PTPN6: variants seen among roughly 807,000 people sequenced by gnomAD.
The protein encoded by PTPN6 is protein tyrosine phosphatase non-receptor type 6, also known as tyrosine-protein phosphatase non-receptor type 6.
Under a neutral mutation model 81.5 loss-of-function variants are expected in PTPN6, and 18 were observed. The ratio of observed to expected loss-of-function variants is 0.22; its 90% CI spans 0.15 to 0.33. The LOEUF (loss-of-function observed/expected upper bound fraction) is 0.33. Among genes scored for constraint, PTPN6 ranks in the 10% least tolerant of loss-of-function variants. PTPN6 has a pLI of 1.00. For synonymous variants in PTPN6, 301 were observed against 310.9 expected (o/e 0.97, Z 0.33); for missense variants, 500 against 794.2 (o/e 0.63, Z 4.45).
chr12:6,946,967 T>C (rs1945832911), upstream of PTPN6, among the ~76,000 whole-genome samples: 1 of 152,222 alleles, frequency 6.6e-6, no homozygotes, highest in Admixed American at 6.5e-5. Context: ...AGTGTGTATC[T>C]GTTCTCTCCA....
In PTPN6 at chr12:6,958,033, G is replaced by C; in HGVS notation, c.1321G>C (p.Glu441Gln). The change falls in exon 11 of 16, where the codon GAA becomes CAA. Residue 441 changes from glutamate to glutamine, a missense_variant. Glu to Gln is a conservative substitution (Grantham distance 29, BLOSUM62 2). Coordinates refer to ENST00000318974, the MANE Select transcript of PTPN6 (RefSeq NM_002831.6). The stretch of plus-strand genomic sequence containing the variant: ...CCTGGACCAGATCAACCAGCGGCAG[G>C]AAAGTCTGCCTCACGCAGGGCCCAT... ...SFLDQINQRQ[E>Q]SLPHAGPIIV... is the part of the protein sequence containing the mutation. 6.2e-7 allele frequency: 1 copy of C among 1,613,248 alleles called. No individual in the cohort carries two copies. Among genetic ancestry groups the C allele is most frequent in the Non-Finnish European group, 8.5e-7 (1 of 1,180,044 alleles).
upstream of PTPN6, among the ~76,000 whole-genome samples, chr12:6,947,395 T>G (rs1414076459): frequency 1.3e-5 from 2 of 151,966 alleles, no homozygotes; most frequent in Non-Finnish European, 2.9e-5. Context: ...CTTGGCCGGG[T>G]GTAGTGGTTC....
rs1381639511 is a variant in PTPN6 at position 6,961,249 on chromosome 12, TAGCCCAGCCA to T, written c.*150_*159del. ...CCCCACCTCTCCCTGACCCTGTATA[TAGCCCAGCCA>T]GGCCCCAGGCAGGGCCAACCCTTCT... is the stretch of plus-strand genomic sequence containing the variant. On this transcript the variant is annotated 3_prime_UTR_variant, in exon 16 of 16. Transcript: ENST00000318974. The T allele has an allele frequency of 2.6e-6, 1 of 381,942 alleles. No homozygotes were observed. The highest frequency in any genetic ancestry group is 5.0e-6 in the Non-Finnish European group (1 of 198,666). The allele number at this position is 381,942 out of a possible 1,614,324, so 23.7% of individuals were successfully genotyped here. A position where few individuals can be genotyped will look rare whatever the true frequency, so the allele number is the denominator to read the frequency against.
chr12:6,948,076 A>G (rs782521877), upstream of PTPN6, among the ~76,000 whole-genome samples: 1 of 151,704 alleles, frequency 6.6e-6, no homozygotes, highest in Non-Finnish European at 1.5e-5. Flanking sequence ...GCTTGAGCTC[A>G]GGAGTTTAAA....
chr12:6,956,312 A>G lies in PTPN6; in HGVS notation c.924+91A>G, dbSNP rs1194229726. On this transcript the variant is annotated intron_variant, in intron 8 of 15. Coordinates refer to ENST00000318974, the MANE Select transcript of PTPN6 (RefSeq NM_002831.6). This position sits in a 1 kb window ranked among gnomAD's most constrained non-coding sequence, Gnocchi z 4.1. ...CCCTAGATCCAGAGACAGCTGGGCA[A>G]AGCCGAAGCTGGCTTCTTGCATGGG... The G allele has an allele frequency of 1.9e-5, 30 of 1,609,728 alleles. No individual in the cohort carries two copies. The highest frequency in any genetic ancestry group is 2.4e-5 in the Non-Finnish European group (28 of 1,176,160).
Position 6,952,492 on chromosome 12 carries a change from G to T in PTPN6, c.326+315G>T. On this transcript the variant is annotated intron_variant, in intron 3 of 15. Transcript: ENST00000318974. This position sits in a 1 kb window ranked among gnomAD's most constrained non-coding sequence, Gnocchi z 8.1. ...GGCCACTGCTGGTGGCCAGCATGTCGTGCAGGCCAGCTCTGTTGTTAGAAA... is the reference window on the plus strand; with the variant it reads ...GGCCACTGCTGGTGGCCAGCATGTCTTGCAGGCCAGCTCTGTTGTTAGAAA... The T allele has an allele frequency of 2.1e-6, 1 of 476,630 alleles. No homozygotes were observed. The highest frequency in any genetic ancestry group is 3.9e-6 in the Non-Finnish European group (1 of 258,772). 29.5% of individuals were successfully genotyped at this position (476,630 alleles called of 1,614,324 possible).
At chr12:6,953,817 G>T (rs782168101) in intron 3 of PTPN6, among the ~76,000 whole-genome samples, 32 of 152,138 alleles carry the variant, frequency 2.1e-4, no homozygotes, top group African/African-American at 7.2e-4. Flanking sequence ...GGCTCTGGGG[G>T]TCTCTCGGCT....
rs1946014483 is a variant in PTPN6 at position 6,955,592 on chromosome 12, C to T, written c.748-68C>T. On this transcript the variant is annotated intron_variant, in intron 6 of 15. Transcript: ENST00000318974. This position sits in a 1 kb window ranked among gnomAD's most constrained non-coding sequence, Gnocchi z 7.2. ...TTGCCCACCTCTGCTCCTGACCCACCCCACGTGAGCTCCCCCGATGGATGC... is the reference window on the plus strand; with the variant it reads ...TTGCCCACCTCTGCTCCTGACCCACTCCACGTGAGCTCCCCCGATGGATGC... The T allele has an allele frequency of 1.9e-5, 30 of 1,574,080 alleles. No homozygotes were observed. The highest frequency in any genetic ancestry group is 2.6e-5 in the Non-Finnish European group (30 of 1,144,186).
rs1946095526 is a variant in PTPN6 at position 6,959,786 on chromosome 12, C to T, written c.1362-141C>T. On this transcript the variant is annotated intron_variant, in intron 11 of 15. Coordinates refer to ENST00000318974, the MANE Select transcript of PTPN6 (RefSeq NM_002831.6). The surrounding 1 kb of genome is among the most constrained non-coding windows in gnomAD (Gnocchi z 6.6). ...GGGCAAACCTCCATCATCACTTGCC[C>T]GGTGACCCTGGGCACATTCCCTCCC... The T allele has an allele frequency of 1.1e-5, 10 of 891,956 alleles. No homozygotes were observed. Among genetic ancestry groups the T allele is most frequent in the Admixed American group, 3.6e-5 (2 of 55,246 alleles). The allele number at this position is 891,956 out of a possible 1,614,324, so 55.3% of individuals were successfully genotyped here.
In PTPN6 at chr12:6,960,191, C is replaced by A; in HGVS notation, c.1533C>A (p.Ala511=). The A allele has an allele frequency of 1.9e-6, 3 of 1,613,128 alleles. No individual in the cohort carries two copies. Among genetic ancestry groups the A allele is most frequent in the Admixed American group, 1.7e-5 (1 of 59,996 alleles). The change falls in exon 13 of 16, where the codon GCC becomes GCA. Residue 511 remains alanine, a synonymous_variant. Coordinates refer to ENST00000318974, the MANE Select transcript of PTPN6 (RefSeq NM_002831.6). The surrounding 1 kb of genome is among the most constrained non-coding windows in gnomAD (Gnocchi z 6.1). ...TEAQYKFIYV[A]IAQFIETTKK... ...CGCAGTACAAGTTCATCTACGTGGC[C>A]ATCGCCCAGTTCATTGAAACCACTA...
chr12:6,958,923 C>T (rs929903104), intron 11 of PTPN6, among the ~76,000 whole-genome samples: 3 of 152,218 alleles, frequency 2.0e-5, no homozygotes, highest in Non-Finnish European at 2.9e-5. Flanking sequence ...GCTGGAATTC[C>T]GTCAGCCCTC....
chr12:6,949,462 C>T (rs782188227), upstream of PTPN6, among the ~76,000 whole-genome samples: 2 of 152,330 alleles, frequency 1.3e-5, no homozygotes, highest in East Asian at 1.9e-4. Context: ...GCACCAGGCT[C>T]CGGCGTCTGA....
At chr12:6,958,167 G>A (rs1400209151) in intron 11 of PTPN6, 94 bp downstream of exon 11, 58 of 1,514,976 alleles carry the variant, frequency 3.8e-5, no homozygotes, top group Non-Finnish European at 5.0e-5. Flanking sequence ...ACGTTAGCTC[G>A]CACATTGAGT....
Position 6,954,770 on chromosome 12 carries a change from C to T in PTPN6, c.327-35C>T. The T allele has an allele frequency of 1.9e-6, 3 of 1,604,770 alleles. No individual in the cohort carries two copies. The highest frequency in any genetic ancestry group is 2.6e-6 in the Non-Finnish European group (3 of 1,176,092). On this transcript the variant is annotated intron_variant, in intron 3 of 15. Transcript: ENST00000318974. The surrounding 1 kb of genome is among the most constrained non-coding windows in gnomAD (Gnocchi z 5.4). ...TCTGCTCAGCGCCTTCCCCTGTGGC[C>T]TGGGTCTTACCTTCCCTGACGCTGC...
upstream of PTPN6, chr12:6,946,696 C>T (rs1555146817): frequency 1.9e-6 from 3 of 1,607,302 alleles, no homozygotes; most frequent in East Asian, 4.5e-5. Flanking sequence ...CTGCGGCCCT[C>T]TGCCGTGGCT....
Position 6,957,017 on chromosome 12 carries a change from A to C in PTPN6, c.1074+449A>C, listed in dbSNP as rs1565583181. Among the ~76,000 whole-genome samples, 1 of 151,946 alleles carries C rather than the reference A, an allele frequency of 6.6e-6. No individual in the cohort carries two copies. Among genetic ancestry groups the C allele is most frequent in the Admixed American group, 6.6e-5 (1 of 15,252 alleles). On this transcript the variant is annotated intron_variant, in intron 9 of 15. Coordinates refer to ENST00000318974, the MANE Select transcript of PTPN6 (RefSeq NM_002831.6). This position sits in a 1 kb window ranked among gnomAD's most constrained non-coding sequence, Gnocchi z 6.5. ...CTGGTCACCTTTGGGATAAAGTCGCACTCTAAGGCCTGGCATTCAAGGTCT... is the reference window on the plus strand; with the variant it reads ...CTGGTCACCTTTGGGATAAAGTCGCCCTCTAAGGCCTGGCATTCAAGGTCT...
At position 6,960,262 on chromosome 12, in the gene PTPN6, G is replaced by A. The variant is rs759051; in HGVS notation, c.1581+23G>A. On this transcript the variant is annotated intron_variant, in intron 13 of 15. Transcript: ENST00000318974. This position sits in a 1 kb window ranked among gnomAD's most constrained non-coding sequence, Gnocchi z 6.1. ...CAGGTGCGTGCAGAGCAGGGCCTGG[G>A]GGGGGGGGGGGCTGCAGTGCAGGAT... is the stretch of plus-strand genomic sequence containing the variant. The A allele has an allele frequency of 6.8e-4, 1,021 of 1,506,046 alleles. 18 individuals carry two copies. In the Middle Eastern group the frequency reaches 0.036, roughly 54 times the overall value. The allele number at this position is 1,506,046 out of a possible 1,614,324, so 93.3% of individuals were successfully genotyped here.
In PTPN6 at chr12:6,959,284, G is replaced by C. The variant is rs782801482; in HGVS notation, c.1362-643G>C. The C allele has an allele frequency of 9.1e-4, 147 of 161,108 alleles. 1 individual carries two copies. Among genetic ancestry groups the C allele is most frequent in the Non-Finnish European group, 1.3e-3 (98 of 73,084 alleles). The allele number at this position is 161,108 out of a possible 1,614,324, so 10.0% of individuals were successfully genotyped here. A position where few individuals can be genotyped will look rare whatever the true frequency, so the allele number is the denominator to read the frequency against. ...GACGTTACAGGAAGGAAGTGGGTGT[G>C]GGGGGTTATTTTTGACAATCTGGGT... On this transcript the variant is annotated intron_variant, in intron 11 of 15. Coordinates refer to ENST00000318974, the MANE Select transcript of PTPN6 (RefSeq NM_002831.6). The surrounding 1 kb of genome is among the most constrained non-coding windows in gnomAD (Gnocchi z 6.6).
rs1946025357 is a variant in PTPN6 at position 6,956,125 on chromosome 12, T to C, written c.845-17T>C. The stretch of plus-strand genomic sequence containing the variant: ...GGCTAACCCAGACCATCTCGCCTCC[T>C]CTCCGCCCACTCCCAGTTGACCACA... On this transcript the variant is annotated splice_polypyrimidine_tract_variant and intron_variant, in intron 7 of 15. Transcript: ENST00000318974. This position sits in a 1 kb window ranked among gnomAD's most constrained non-coding sequence, Gnocchi z 4.1. 2.5e-6 allele frequency: 4 copies of C among 1,613,848 alleles called. No homozygotes were observed. Among genetic ancestry groups the C allele is most frequent in the African/African-American group, 2.7e-5 (2 of 74,850 alleles).
Sources: gnomAD v4.1 joint callset for allele counts (sites outside exome capture counted in the v4.1 genomes callset) on GRCh38, gnomAD v4.1.1 for gene constraint, Gnocchi (gnomAD v3.1) non-coding constraint, MANE v1.5 for transcripts, NCBI Gene and HGNC (gene_info 2026-07-23, HGNC 2026-07-21) for gene names.